The following OPA3 variants were observed in gnomAD, a reference collection of about 807,000 sequenced individuals.
OPA3 encodes outer mitochondrial membrane lipid metabolism regulator OPA3.
OPA3 carries 6 observed loss-of-function variants against 4.0 expected under a neutral mutation model. The ratio of observed to expected loss-of-function variants is 1.51; its 90% CI spans 0.83 to 2.99. The LOEUF (loss-of-function observed/expected upper bound fraction) is 2.99, where lower values mean the gene tolerates loss of function less well. Ranked by LOEUF, OPA3 falls within the 30% of genes most tolerant of loss-of-function variation. The pLI is 0.00. For synonymous variants in OPA3, 105 were observed against 117.1 expected (o/e 0.90, Z 0.67); for missense variants, 235 against 256.2 (o/e 0.92, Z 0.56).
chr19:45,559,630 T>C (rs1306607491), intron 1 of OPA3, among the ~76,000 whole-genome samples: 2 of 151,860 alleles, frequency 1.3e-5, no homozygotes, highest in Non-Finnish European at 2.9e-5. Context: ...CTCGAACTCC[T>C]GACCTCACGT....
At chr19:45,566,017 A>G (rs1315626219) in intron 1 of OPA3, among the ~76,000 whole-genome samples, 26 of 152,230 alleles carry the variant, frequency 1.7e-4, no homozygotes, top group Admixed American at 1.7e-3. Flanking sequence ...AGAATATGTC[A>G]CTGATGACCA....
chr19:45,562,266 G>A (rs1235286829), intron 1 of OPA3, among the ~76,000 whole-genome samples: 1 of 145,220 alleles, frequency 6.9e-6, no homozygotes, highest in Non-Finnish European at 1.5e-5. Context: ...AGAATCGCTT[G>A]AATCCAGGAG....
intron 1 of OPA3, among the ~76,000 whole-genome samples, chr19:45,557,501 C>A (rs558596001): frequency 6.6e-6 from 1 of 152,264 alleles, no homozygotes; most frequent in South Asian, 2.1e-4. Context: ...CTAGACCTCT[C>A]ACACTCAGCA....
intron 1 of OPA3, among the ~76,000 whole-genome samples, chr19:45,559,387 C>CTTTTTTTTTTTTTTTTTTTTTTTTT (rs1482357153): frequency 9.2e-6 from 1 of 108,348 alleles, no homozygotes; most frequent in Admixed American, 1.2e-4. Flanking sequence ...TTCTTTCCCT[C>CTTTTTTTTTTTTTTTTTTTTTTTTT]TTTTTCTTTC....
chr19:45,533,295 A>C (rs1875783185), intron 1 of OPA3, among the ~76,000 whole-genome samples: 2 of 151,646 alleles, frequency 1.3e-5, no homozygotes, highest in South Asian at 2.1e-4. Context: ...CCTGGGTTCA[A>C]GCCATTCTCC....
chr19:45,553,596 C>T lies in OPA3; in HGVS notation c.458G>A (p.Arg153His), dbSNP rs539965360. The T allele has an allele frequency of 3.1e-6, 5 of 1,611,682 alleles. No individual in the cohort carries two copies. Among genetic ancestry groups the T allele is most frequent in the African/African-American group, 1.3e-5 (1 of 75,054 alleles). The change falls in exon 2 of 2, where the codon CGC (arginine) becomes CAC (histidine). Residue 153 changes from arginine to histidine, a missense_variant. Physicochemically the swap from Arg to His is conservative, Grantham distance 29 (BLOSUM62 0). Transcript: ENST00000263275. ...GGCGCGCACCTCTTGCAGCTCTGTG[C>T]GCAGTTCCTCCAGGGCGCCCTGTGG... Reference protein sequence around the residue: ...APPQGALEELRTELQEVRAQL... With the variant: ...APPQGALEELHTELQEVRAQL...
Position 45,550,397 on chromosome 19 carries a change from G to GGCT in OPA3, c.*3114_*3116dup, listed in dbSNP as rs542311224. On this transcript the variant is annotated 3_prime_UTR_variant, in exon 2 of 2. Transcript: ENST00000263275. Reference sequence around the variant, plus strand: ...TGCTATGATCTCTGGTGTGATCTGGGGCTGCTCTGAGAGGGGATAGAGAGG... The same window carrying GGCT: ...TGCTATGATCTCTGGTGTGATCTGGGGCTGCTGCTCTGAGAGGGGATAGAGAGG... The GGCT allele has an allele frequency of 0.65, 639,649 of 984,778 alleles. 208,824 individuals are homozygous for GGCT. Among genetic ancestry groups the GGCT allele is most frequent in the East Asian group, 0.87 (7,627 of 8,750 alleles). The allele number at this position is 984,778 out of a possible 1,614,324, so 61.0% of individuals were successfully genotyped here.
chr19:45,528,079 A>G (rs1192891174), exon 2 of OPA3: 1 of 152,430 alleles, frequency 6.6e-6, no homozygotes, highest in Non-Finnish European at 1.5e-5. Context: ...ACGATGACTT[A>G]GGTAGTAAAG....
chr19:45,539,419 C>T (rs1969157925), intron 1 of OPA3, among the ~76,000 whole-genome samples: 1 of 152,076 alleles, frequency 6.6e-6, no homozygotes, highest in Non-Finnish European at 1.5e-5. Flanking sequence ...TGGCGAAACC[C>T]CTTCTCTACA....
At chr19:45,533,645 G>GCAGGC (rs892657471) in intron 1 of OPA3, among the ~76,000 whole-genome samples, 13 of 152,244 alleles carry the variant, frequency 8.5e-5, no homozygotes, top group South Asian at 4.2e-4. Context: ...GTACTCCAGG[G>GCAGGC]CAGGCCAGGC....
chr19:45,542,425 A>AC (rs557517958), downstream of OPA3, among the ~76,000 whole-genome samples: 10 of 152,332 alleles, frequency 6.6e-5, no homozygotes, highest in South Asian at 2.1e-3. Context: ...GGCCTGCTAC[A>AC]CACCTAGGCT....
downstream of OPA3, among the ~76,000 whole-genome samples, chr19:45,542,654 A>G (rs1969198306): frequency 7.0e-6 from 1 of 142,256 alleles, no homozygotes. Context: ...ACAGTACTTC[A>G]CTGTTTTTTT....
exon 2 of OPA3, chr19:45,528,912 A>C: frequency 1.0e-6 from 1 of 976,358 alleles, no homozygotes; most frequent in Non-Finnish European, 1.5e-6. Context: ...GATCAGCTCC[A>C]GCCCAGGATC....
At chr19:45,574,036 G>A (rs564262456) in intron 1 of OPA3, among the ~76,000 whole-genome samples, 3 of 151,404 alleles carry the variant, frequency 2.0e-5, no homozygotes, top group South Asian at 2.1e-4. Context: ...GGTGGCAGGC[G>A]CCTGTAATCC....
chr19:45,564,461 G>T (rs1969553147), intron 1 of OPA3, among the ~76,000 whole-genome samples: 1 of 152,210 alleles, frequency 6.6e-6, no homozygotes, highest in Non-Finnish European at 1.5e-5. Context: ...GAACAGCCCA[G>T]GGGGCAAGTG....
chr19:45,532,911 G>T (rs895838727), intron 1 of OPA3, among the ~76,000 whole-genome samples: 1 of 151,868 alleles, frequency 6.6e-6, no homozygotes, highest in African/African-American at 2.4e-5. Flanking sequence ...TTTTTTTTGA[G>T]ATGGAGTTTT....
intron 1 of OPA3, among the ~76,000 whole-genome samples, chr19:45,557,028 C>T (rs1452014395): frequency 1.3e-5 from 2 of 152,208 alleles, no homozygotes; most frequent in South Asian, 2.1e-4. Flanking sequence ...GAGCTGGGCC[C>T]GTAACTGTCA....
At chr19:45,563,591 T>C (rs1245779580) in intron 1 of OPA3, among the ~76,000 whole-genome samples, 1 of 152,148 alleles carries the variant, frequency 6.6e-6, no homozygotes, top group Non-Finnish European at 1.5e-5. Flanking sequence ...GGTTTCACTC[T>C]GTCACCCAGA....
chr19:45,580,145 T>C (rs1343620078), intron 1 of OPA3, among the ~76,000 whole-genome samples: 9 of 132,878 alleles, frequency 6.8e-5, no homozygotes, highest in Non-Finnish European at 1.3e-4. Context: ...TACAGGCGCG[T>C]GCCACCACGC....
Sources: allele counts gnomAD v4.1 joint callset (sites outside exome capture counted in the v4.1 genomes callset), GRCh38; gene constraint gnomAD v4.1.1; transcripts MANE v1.5; gene names NCBI Gene and HGNC (gene_info 2026-07-23, HGNC 2026-07-21).